Variants in SRSF11 observed in about 807,000 individuals in gnomAD.
SRSF11 encodes serine and arginine rich splicing factor 11.
Under a neutral mutation model 56.0 loss-of-function variants are expected in SRSF11, and 9 were observed. The observed-to-expected ratio is 0.16, with a 90% CI of 0.10 to 0.28. SRSF11 has a LOEUF of 0.28. Ranked by LOEUF, SRSF11 falls within the 10% of genes least tolerant of loss-of-function variation. SRSF11 has a pLI of 1.00. For missense variants in SRSF11, 421 were observed against 600.7 expected, an observed-to-expected ratio of 0.70 and a Z score of 3.13; for synonymous variants, 222 against 215.3, an observed-to-expected ratio of 1.03 and a Z score of -0.27.
rs1674373315 is a variant in SRSF11, at chr1:70,237,442, C to G, written c.608C>G (p.Ala203Gly). 6.2e-7 allele frequency: 1 copy of G among 1,613,378 alleles called. No individual in the cohort carries two copies. Among genetic ancestry groups the G allele is most frequent in the Non-Finnish European group, 8.5e-7 (1 of 1,179,972 alleles). The change falls in exon 6 of 12, where the codon GCT becomes GGT. Residue 203 changes from alanine to glycine, a missense_variant. This residue lies in a region of SRSF11 where 168 missense variants were observed against 294.9 expected (regional missense o/e 0.57). Transcript: ENST00000370949. ...TVDPKLNHVA[A>G]GLVSPSLKSD... is the part of the protein sequence containing the mutation. ...TGTTTCAGGTTGAATCATGTAGCTGCTGGTCTCGTTTCACCAAGTCTGAAA... is the reference window on the plus strand; with the variant it reads ...TGTTTCAGGTTGAATCATGTAGCTGGTGGTCTCGTTTCACCAAGTCTGAAA...
At chr1:70,230,976 A>G (rs1412418993) in intron 2 of SRSF11, 1 of 1,235,258 alleles carries the variant, frequency 8.1e-7, no homozygotes, top group East Asian at 5.7e-5. Flanking sequence ...GACACAAGCA[A>G]GATAACAGTG....
intron 3 of SRSF11, among the ~76,000 whole-genome samples, chr1:70,234,362 T>A (rs1013570384): frequency 5.3e-5 from 8 of 152,156 alleles, no homozygotes; most frequent in African/African-American, 1.9e-4. Flanking sequence ...AGCACAAGAA[T>A]ATGTTGAAAT....
intron 6 of SRSF11, among the ~76,000 whole-genome samples, chr1:70,238,628 C>T (rs1486075568): frequency 2.0e-5 from 3 of 152,072 alleles, no homozygotes; most frequent in South Asian, 2.1e-4. Flanking sequence ...TAATAGGAAG[C>T]GAGCTAGCTT....
chr1:70,210,409 A>AGCCTT (rs1669458908), intron 1 of SRSF11, among the ~76,000 whole-genome samples: 1 of 152,074 alleles, frequency 6.6e-6, no homozygotes. Context: ...CTACCACCTC[A>AGCCTT]GCCTTCCAAA....
In SRSF11 at chr1:70,237,176, G is replaced by T. The variant is rs184028807; in HGVS notation, c.591-249G>T. ...CTAAAAATGTGTTTGTTTATGGAAA[G>T]TTAATGGATGTTCAGCAAAATAGGT... On this transcript the variant is annotated intron_variant, in intron 5 of 11. Transcript: ENST00000370949. Among the ~76,000 whole-genome samples, 10 of 152,280 alleles carry T rather than the reference G, an allele frequency of 6.6e-5. No individual in the cohort carries two copies. In the East Asian group the frequency reaches 1.7e-3, roughly 26 times the overall value.
At chr1:70,246,258 T>C (rs1455441673) in intron 8 of SRSF11, among the ~76,000 whole-genome samples, 1 of 149,430 alleles carries the variant, frequency 6.7e-6, no homozygotes, top group South Asian at 2.2e-4. Flanking sequence ...TTTATAGGAA[T>C]CTGTAAAAAA....
At position 70,252,233 on chromosome 1, in the gene SRSF11, G is replaced by A; in HGVS notation, c.*1428G>A. Reference sequence around the variant, plus strand: ...AGTATCATTTTATTGCTTATTTTTTGTGTGGGAATGGGGTTGGATAAAGCA... The same window carrying A: ...AGTATCATTTTATTGCTTATTTTTTATGTGGGAATGGGGTTGGATAAAGCA... On this transcript the variant is annotated 3_prime_UTR_variant, in exon 12 of 12. Coordinates refer to ENST00000370949, the MANE Select transcript of SRSF11 (RefSeq NM_001350605.2). The A allele has an allele frequency of 6.6e-6, 1 of 151,944 alleles. No homozygotes were observed. Among genetic ancestry groups the A allele is most frequent in the East Asian group, 1.9e-4 (1 of 5,190 alleles). 9.4% of individuals were successfully genotyped at this position (151,944 alleles called of 1,614,324 possible). A position where few individuals can be genotyped will look rare whatever the true frequency, so the allele number is the denominator to read the frequency against.
At chr1:70,229,286 A>G in intron 2 of SRSF11, 9 of 1,288,268 alleles carry the variant, frequency 7.0e-6, no homozygotes, top group African/African-American at 1.5e-5. Flanking sequence ...GATTCTAGAC[A>G]TTAACTAAAG....
chr1:70,250,699 C>T lies in SRSF11; in HGVS notation c.1349C>T (p.Pro450Leu), dbSNP rs769872045. The T allele has an allele frequency of 1.2e-6, 2 of 1,613,764 alleles. No individual in the cohort carries two copies. Among genetic ancestry groups the T allele is most frequent in the Non-Finnish European group, 1.7e-6 (2 of 1,179,940 alleles). The change falls in exon 12 of 12, where the codon CCT becomes CTT. Residue 450 changes from proline (P) to leucine (L), a missense_variant. By Grantham distance (98) the Pro-to-Leu change is moderately conservative. Around this residue, in one of 2 missense-constraint regions of SRSF11, gnomAD observed 253 missense variants for 305.8 expected, o/e 0.83. Coordinates refer to ENST00000370949, the MANE Select transcript of SRSF11 (RefSeq NM_001350605.2). ...AAGAAACCAATAGAAACAGGTTCCC[C>T]TAAAACAAAGGAATGTTCTGTGGAA... The part of the protein sequence containing the change: ...EEKKPIETGS[P>L]KTKECSVEKG...
In SRSF11 at chr1:70,226,874, T is replaced by G. The variant is rs186632904; in HGVS notation, c.204-1548T>G. On this transcript the variant is annotated intron_variant, in intron 1 of 11. Transcript: ENST00000370949. The stretch of plus-strand genomic sequence containing the variant: ...ATTGCTTAAACATTCTTTTTACTAC[T>G]GCGGGTGCAACATTGTTAAATTTTA... Among the ~76,000 whole-genome samples, 500 of 152,358 alleles carry G rather than the reference T, an allele frequency of 3.3e-3. 5 individuals are homozygous for G. The highest frequency in any genetic ancestry group is 0.031 in the South Asian group (149 of 4,826).
At chr1:70,237,735 A>G (rs907832009) in intron 6 of SRSF11, among the ~76,000 whole-genome samples, 183 bp downstream of exon 6, 1 of 152,256 alleles carries the variant, frequency 6.6e-6, no homozygotes, top group East Asian at 1.9e-4. Context: ...AGGAGTACCA[A>G]CTGCATCTAG....
chr1:70,227,998 A>G (rs1357861721), intron 1 of SRSF11, among the ~76,000 whole-genome samples: 1 of 152,220 alleles, frequency 6.6e-6, no homozygotes, highest in Non-Finnish European at 1.5e-5. Flanking sequence ...GTTCGTTCTC[A>G]TGATATTCAT....
Position 70,237,474 on chromosome 1 carries a change from A to T in SRSF11, c.640A>T (p.Thr214Ser). Residue 214 changes from threonine to serine, a missense_variant, in exon 6 of 12, where the codon ACC (threonine) becomes TCC (serine). Physicochemically the swap from Thr to Ser is moderately conservative, Grantham distance 58. Coordinates refer to ENST00000370949, the MANE Select transcript of SRSF11 (RefSeq NM_001350605.2). ...CGTTTCACCAAGTCTGAAATCGGAT[A>T]CCTCTAGTAAAGAAATAGAGGAAGC... ...GLVSPSLKSD[T>S]SSKEIEEAMK... 1 of 1,613,962 alleles carries T rather than the reference A, an allele frequency of 6.2e-7. No individual in the cohort carries two copies. Among genetic ancestry groups the T allele is most frequent in the East Asian group, 2.2e-5 (1 of 44,856 alleles).
rs1674807379 is a variant in SRSF11, at chr1:70,239,342, T to G, written c.719-97T>G. 3 of 791,038 alleles carry G rather than the reference T, an allele frequency of 3.8e-6. No homozygotes were observed. The South Asian group carries it at 5.5e-5, about 14-fold the overall frequency. 49.0% of individuals were successfully genotyped at this position (791,038 alleles called of 1,614,324 possible). ...CCTGGACTGAAGTGTTGCTCCCACT[T>G]CAGCCTCTCATAGTGCTGTGATTAC... On this transcript the variant is annotated intron_variant, in intron 6 of 11. Transcript: ENST00000370949.
intron 1 of SRSF11, among the ~76,000 whole-genome samples, chr1:70,206,169 A>G (rs928491981): frequency 9.2e-5 from 14 of 152,244 alleles, no homozygotes; most frequent in African/African-American, 3.4e-4. Context: ...AAAAATCCTT[A>G]AAATTTAATA....
chr1:70,234,567 G>A (rs1343678820), intron 3 of SRSF11, 129 bp from the exon 4 acceptor site: 2 of 608,482 alleles, frequency 3.3e-6, no homozygotes, highest in Non-Finnish European at 2.8e-6. Context: ...TACAACTGAG[G>A]AGTTGTACGG....
At chr1:70,223,595 A>C (rs913794586) in intron 1 of SRSF11, among the ~76,000 whole-genome samples, 10 of 152,132 alleles carry the variant, frequency 6.6e-5, no homozygotes, top group Admixed American at 4.6e-4. Context: ...ACACATTTTT[A>C]CTCTGACTCC....
chr1:70,237,870 CTTA>C (rs1451622709), intron 6 of SRSF11, among the ~76,000 whole-genome samples: 3 of 152,074 alleles, frequency 2.0e-5, no homozygotes, highest in South Asian at 4.1e-4. Context: ...TTTTGTTTTT[CTTA>C]TTATTTATGT....
intron 2 of SRSF11, chr1:70,231,785 CTG>C: frequency 7.5e-7 from 1 of 1,325,600 alleles, no homozygotes; most frequent in Non-Finnish European, 9.9e-7. Flanking sequence ...ATCATAGTAA[CTG>C]TACCATATTA....
Sources: gnomAD v4.1 joint callset for allele counts (sites outside exome capture counted in the v4.1 genomes callset) on GRCh38, gnomAD v4.1.1 for gene constraint, gnomAD v4.1.1 regional missense constraint, MANE v1.5 for transcripts, NCBI Gene and HGNC (gene_info 2026-07-23, HGNC 2026-07-21) for gene names.